The following ELL2 variants were observed in gnomAD, a reference collection of about 807,000 sequenced individuals.
ELL2 encodes the protein elongation factor for RNA polymerase II 2, also known as RNA polymerase II elongation factor ELL2.
Under a neutral mutation model 72.8 loss-of-function variants are expected in ELL2, and 21 were observed. That is an observed-to-expected ratio of 0.29 (90% CI 0.20 to 0.42). The LOEUF is 0.42. Ranked by LOEUF, ELL2 falls within the 10% of genes least tolerant of loss-of-function variation. The pLI, the probability that ELL2 is intolerant of heterozygous loss-of-function variation, is 1.00. For synonymous variants in ELL2, 266 were observed against 283.2 expected (o/e 0.94, Z 0.61); for missense variants, 568 against 772.8 (o/e 0.73, Z 3.14).
At chr5:95,930,843 A>C (rs935919523) in intron 2 of ELL2, among the ~76,000 whole-genome samples, 1 of 152,240 alleles carries the variant, frequency 6.6e-6, no homozygotes. Context: ...AATTAATTAA[A>C]TTGTAGTCAA....
intron 1 of ELL2, among the ~76,000 whole-genome samples, chr5:95,958,488 A>G (rs2112364735): frequency 6.6e-6 from 1 of 152,278 alleles, no homozygotes; most frequent in East Asian, 1.9e-4. Flanking sequence ...GTCACCAGAA[A>G]GGTATCTATC....
chr5:95,898,177 A>C, intron 8 of ELL2, 63 bp downstream of exon 8: 1 of 1,315,352 alleles, frequency 7.6e-7, no homozygotes, highest in Non-Finnish European at 1.0e-6. Context: ...ATTACTAATT[A>C]TAAACTGTGT....
chr5:95,903,120 A>G (rs535789504), intron 5 of ELL2, among the ~76,000 whole-genome samples: 2 of 149,162 alleles, frequency 1.3e-5, no homozygotes, highest in East Asian at 2.0e-4. Flanking sequence ...CCCCAGCACT[A>G]CACACATTGA....
chr5:95,903,382 C>A (rs1749218896), intron 5 of ELL2, among the ~76,000 whole-genome samples: 2 of 151,766 alleles, frequency 1.3e-5, no homozygotes, highest in Admixed American at 1.3e-4. Flanking sequence ...CCATGCCCAG[C>A]TAATTTTTGT....
chr5:95,913,047 T>C (rs1749663183), intron 4 of ELL2, among the ~76,000 whole-genome samples: 1 of 149,986 alleles, frequency 6.7e-6, no homozygotes, highest in Admixed American at 6.6e-5. Context: ...ATAGTCACCA[T>C]GAATTGACTC....
intron 3 of ELL2, among the ~76,000 whole-genome samples, chr5:95,917,617 C>A (rs1446592934): frequency 1.3e-5 from 2 of 152,146 alleles, no homozygotes; most frequent in African/African-American, 4.8e-5. Flanking sequence ...TGGCAGACTT[C>A]AATTTATACC....
intron 4 of ELL2, among the ~76,000 whole-genome samples, chr5:95,912,906 G>C (rs539914003): frequency 3.5e-4 from 53 of 152,326 alleles, no homozygotes; most frequent in Non-Finnish European, 7.4e-4. Flanking sequence ...GGTTCTTCAA[G>C]AGACTTTCTG....
rs538532815 is a variant in ELL2, at chr5:95,935,167, C to T, written c.195+7835G>A. Reference sequence around the variant, plus strand: ...TGGTTTTTAATAATTTTATAATATACATAAACCTACAAATAGATTGTCTGA... The same window carrying T: ...TGGTTTTTAATAATTTTATAATATATATAAACCTACAAATAGATTGTCTGA... On this transcript the variant is annotated intron_variant, in intron 2 of 11. Transcript: ENST00000237853. Among the ~76,000 whole-genome samples, 244 of 152,178 alleles carry T rather than the reference C, an allele frequency of 1.6e-3. 1 individual carries two copies. Among genetic ancestry groups the T allele is most frequent in the African/African-American group, 4.8e-3 (200 of 41,502 alleles).
At chr5:95,960,561 G>C (rs772464814) in intron 1 of ELL2, among the ~76,000 whole-genome samples, 11 of 151,890 alleles carry the variant, frequency 7.2e-5, no homozygotes, top group Non-Finnish European at 1.3e-4. Flanking sequence ...TCTCGAAAAC[G>C]AGGGGTGAGA....
intron 5 of ELL2, among the ~76,000 whole-genome samples, chr5:95,903,520 C>T (rs534879787): frequency 5.3e-5 from 8 of 152,172 alleles, no homozygotes; most frequent in Non-Finnish European, 7.4e-5. Flanking sequence ...TGAGCCACGG[C>T]GCCTGGCCTA....
At chr5:95,911,406 C>T (rs928915213) in intron 4 of ELL2, among the ~76,000 whole-genome samples, 20 of 151,490 alleles carry the variant, frequency 1.3e-4, no homozygotes, top group African/African-American at 3.4e-4. Context: ...GGCACAATCT[C>T]GGCTCACTGC....
chr5:95,941,884 C>T (rs970801237), intron 2 of ELL2, among the ~76,000 whole-genome samples: 1 of 152,198 alleles, frequency 6.6e-6, no homozygotes, highest in African/African-American at 2.4e-5. Flanking sequence ...TGACTACCTA[C>T]TAAAAAGCTA....
At chr5:95,925,305 T>G (rs530889368) in intron 2 of ELL2, among the ~76,000 whole-genome samples, 80 of 152,312 alleles carry the variant, frequency 5.3e-4, no homozygotes, top group African/African-American at 1.8e-3. Flanking sequence ...CAAGATCATC[T>G]ATAATTTCTT....
intron 9 of ELL2, among the ~76,000 whole-genome samples, chr5:95,891,771 A>C (rs112179877): frequency 0.015 from 2,266 of 152,320 alleles, 58 homozygotes; most frequent in African/African-American, 0.053. Context: ...CCTTTCAGAT[A>C]TGCTGCTAGC....
chr5:95,949,373 ACCTT>A (rs2112355166), intron 1 of ELL2, among the ~76,000 whole-genome samples: 1 of 152,304 alleles, frequency 6.6e-6, no homozygotes, highest in East Asian at 1.9e-4. Context: ...ATGTGTGGTT[ACCTT>A]TCCCTTATCA....
At chr5:95,934,925 C>CT (rs1363253237) in intron 2 of ELL2, among the ~76,000 whole-genome samples, 2 of 152,144 alleles carry the variant, frequency 1.3e-5, no homozygotes, top group Admixed American at 1.3e-4. Flanking sequence ...GACAAATTAT[C>CT]TTTAATGATA....
At chr5:95,953,381 A>G (rs1751492324) in intron 1 of ELL2, among the ~76,000 whole-genome samples, 1 of 152,248 alleles carries the variant, frequency 6.6e-6, no homozygotes, top group Middle Eastern at 3.2e-3. Flanking sequence ...ACTTTTTATT[A>G]CATGGACACT....
At chr5:95,907,290 A>ATG (rs1388271982) in intron 4 of ELL2, among the ~76,000 whole-genome samples, 4 of 75,426 alleles carry the variant, frequency 5.3e-5, no homozygotes, top group Non-Finnish European at 9.4e-5. Context: ...ATATATATAT[A>ATG]TATATATTTT....
chr5:95,926,171 G>C (rs916863505), intron 2 of ELL2, among the ~76,000 whole-genome samples: 4 of 150,752 alleles, frequency 2.7e-5, no homozygotes, highest in African/African-American at 9.9e-5. Flanking sequence ...TATGGGTTGA[G>C]GGGAGAAAAA....
Sources: gnomAD v4.1 joint callset for allele counts (sites outside exome capture counted in the v4.1 genomes callset) on GRCh38, gnomAD v4.1.1 for gene constraint, MANE v1.5 for transcripts, NCBI Gene and HGNC (gene_info 2026-07-23, HGNC 2026-07-21) for gene names.